Variants in DNAH10 observed in about 807,000 individuals in gnomAD.
DNAH10 encodes the protein axonemal beta dynein heavy chain 10.
DNAH10 carries 348 observed loss-of-function variants against 506.6 expected under a neutral mutation model. The ratio of observed to expected loss-of-function variants is 0.69; its 90% CI spans 0.63 to 0.75. The LOEUF is 0.75. DNAH10 is among the 30% of genes least tolerant of loss of function. The pLI is 0.00. For synonymous variants in DNAH10, 2,059 were observed against 2,198.6 expected, an observed-to-expected ratio of 0.94 and a Z score of 1.78; for missense variants, 5,179 against 5,787.1, an observed-to-expected ratio of 0.89 and a Z score of 3.41.
chr12:123,896,148 C>CACACACAGAGAGAGAGAGAGAG (rs1383690518), intron 54 of DNAH10, among the ~76,000 whole-genome samples: 2 of 95,272 alleles, frequency 2.1e-5, no homozygotes, highest in African/African-American at 1.0e-4. Flanking sequence ...CACACACACA[C>CACACACAGAGAGAGAGAGAGAG]AGAGAGAGAG....
chr12:123,856,997 G>T (rs1951418629), intron 36 of DNAH10, 59 bp from the exon 37 acceptor site: 2 of 1,491,586 alleles, frequency 1.3e-6, no homozygotes, highest in Non-Finnish European at 1.8e-6. Context: ...TGGAAACACA[G>T]TCCAAAGCAC....
chr12:123,904,249 C>T (rs577671365), intron 57 of DNAH10, among the ~76,000 whole-genome samples: 127 of 152,126 alleles, frequency 8.3e-4, no homozygotes, highest in Non-Finnish European at 1.4e-3. Context: ...GTATAAGGAT[C>T]GATGTATTAA....
At chr12:123,819,529 C>T (rs562063173) in intron 23 of DNAH10, among the ~76,000 whole-genome samples, 17 of 151,932 alleles carry the variant, frequency 1.1e-4, no homozygotes, top group South Asian at 4.2e-4. Flanking sequence ...AGGTTTCTGC[C>T]GCAGCTCAGA....
chr12:123,825,191 C>G (rs909173790), intron 24 of DNAH10, among the ~76,000 whole-genome samples: 1 of 152,006 alleles, frequency 6.6e-6, no homozygotes, highest in Non-Finnish European at 1.5e-5. Context: ...AGATTGATCA[C>G]AGTATTGCAT....
chr12:123,793,485 C>CCCA (rs1565909992), intron 11 of DNAH10, among the ~76,000 whole-genome samples: 1 of 151,922 alleles, frequency 6.6e-6, no homozygotes, highest in African/African-American at 2.4e-5. Flanking sequence ...ACTACAGGCG[C>CCCA]CCACCACCAT....
At chr12:123,930,078 T>A (rs985420281) in intron 72 of DNAH10, 7 of 521,136 alleles carry the variant, frequency 1.3e-5, no homozygotes, top group Admixed American at 3.7e-5. Context: ...GGCAGTGACA[T>A]CAATTCCAAA....
At chr12:123,871,204 A>G (rs1357600303) in intron 44 of DNAH10, among the ~76,000 whole-genome samples, 1 of 152,222 alleles carries the variant, frequency 6.6e-6, no homozygotes, top group Non-Finnish European at 1.5e-5. Flanking sequence ...ATATCCTGGC[A>G]TAAGTCAGAA....
intron 24 of DNAH10, among the ~76,000 whole-genome samples, chr12:123,822,617 A>G (rs1959535325): frequency 6.6e-6 from 1 of 152,118 alleles, no homozygotes; most frequent in Admixed American, 6.6e-5. Flanking sequence ...ATGTATATCT[A>G]TATATCTGTG....
chr12:123,920,653 A>G (rs1014553929), intron 65 of DNAH10, among the ~76,000 whole-genome samples: 9 of 152,120 alleles, frequency 5.9e-5, no homozygotes, highest in African/African-American at 9.7e-5. Context: ...AATGTTCCCA[A>G]TTGTCTTATA....
intron 46 of DNAH10, 127 bp downstream of exon 46, chr12:123,873,837 A>T: frequency 7.6e-7 from 1 of 1,308,534 alleles, no homozygotes; most frequent in Non-Finnish European, 1.0e-6. Context: ...TCTGCAGGGT[A>T]CAGGCTGCGG....
At chr12:123,891,550 C>T (rs919328800) in intron 52 of DNAH10, among the ~76,000 whole-genome samples, 18 of 152,080 alleles carry the variant, frequency 1.2e-4, no homozygotes, top group Non-Finnish European at 2.5e-4. Flanking sequence ...GGAAGAGGAA[C>T]GAGCAGAGAC....
intron 60 of DNAH10, among the ~76,000 whole-genome samples, chr12:123,914,003 C>T (rs961333124): frequency 6.6e-6 from 1 of 152,160 alleles, no homozygotes; most frequent in African/African-American, 2.4e-5. Flanking sequence ...CTCTGCCGGG[C>T]TGATTTATAT....
At position 123,845,962 on chromosome 12, in the gene DNAH10, G is replaced by A. The variant is rs960649039; in HGVS notation, c.5631-9G>A. ...GGTTTCCACTTCCTCCACCTTTCTT[G>A]CCGTCCAGTATCCTGGAGGCCCGAG... On this transcript the variant is annotated splice_polypyrimidine_tract_variant and intron_variant, in intron 31 of 78. Coordinates refer to ENST00000673944, the MANE Select transcript of DNAH10 (RefSeq NM_001372106.1). The A allele has an allele frequency of 6.2e-7, 1 of 1,613,372 alleles. No homozygotes were observed. The highest frequency in any genetic ancestry group is 1.7e-5 in the Admixed American group (1 of 59,994).
intron 76 of DNAH10, 136 bp downstream of exon 76, chr12:123,932,244 T>C: frequency 9.2e-7 from 1 of 1,085,982 alleles, no homozygotes; most frequent in Non-Finnish European, 1.3e-6. Context: ...GGAAATGGTC[T>C]GAGATTCTTA....
rs944954658 is a variant in DNAH10 at position 123,917,540 on chromosome 12, G to A, written c.11003-44G>A. 6.5e-7 allele frequency: 1 copy of A among 1,535,742 alleles called. No homozygotes were observed. The highest frequency in any genetic ancestry group is 8.8e-7 in the Non-Finnish European group (1 of 1,136,088). On this transcript the variant is annotated intron_variant, in intron 63 of 78. Coordinates refer to ENST00000673944, the MANE Select transcript of DNAH10 (RefSeq NM_001372106.1). The surrounding 1 kb of genome is among the most constrained non-coding windows in gnomAD (Gnocchi z 5.6). ...CAGCAGGGCAGCGGGAGAGACTGTT[G>A]TTGGGGGCCGCAGGTGGTGAGGGCC...
chr12:123,822,792 G>C (rs985914587), intron 24 of DNAH10, among the ~76,000 whole-genome samples: 1 of 152,162 alleles, frequency 6.6e-6, no homozygotes, highest in African/African-American at 2.4e-5. Context: ...GAACACTGAC[G>C]TCCCAGCTTG....
intron 34 of DNAH10, among the ~76,000 whole-genome samples, chr12:123,849,319 A>C (rs1004298177): frequency 6.6e-6 from 1 of 152,062 alleles, no homozygotes; most frequent in East Asian, 1.9e-4. Context: ...AGGATTTGCA[A>C]GGTTATCAAA....
intron 45 of DNAH10, among the ~76,000 whole-genome samples, chr12:123,873,276 C>A (rs1952109453): frequency 6.6e-6 from 1 of 152,228 alleles, no homozygotes. Flanking sequence ...CTTGCTAGAA[C>A]TGTGCAGAAA....
chr12:123,803,298 C>T (rs1046526563), intron 16 of DNAH10, among the ~76,000 whole-genome samples: 1 of 152,136 alleles, frequency 6.6e-6, no homozygotes, highest in Non-Finnish European at 1.5e-5. Context: ...TCTTGCTGTT[C>T]GTCTAAGCTC....
Sources: allele counts gnomAD v4.1 joint callset (sites outside exome capture counted in the v4.1 genomes callset), GRCh38; gene constraint gnomAD v4.1.1; non-coding constraint Gnocchi (gnomAD v3.1); transcripts MANE v1.5; gene names NCBI Gene and HGNC (gene_info 2026-07-23, HGNC 2026-07-21).